TTC39B: variants seen among roughly 807,000 people sequenced by gnomAD.
TTC39B encodes the protein tetratricopeptide repeat protein 39B.
A neutral mutation model predicts 96.6 loss-of-function variants in TTC39B; 92 were observed. The observed-to-expected ratio is 0.95, with a 90% CI of 0.80 to 1.13. The LOEUF (loss-of-function observed/expected upper bound fraction) is 1.13, where lower values mean the gene tolerates loss of function less well. TTC39B is among the 50% of genes most tolerant of loss of function. The pLI is 0.00. For synonymous variants in TTC39B, 367 were observed against 299.4 expected, an observed-to-expected ratio of 1.23 and a Z score of -2.33; for missense variants, 955 against 809.3, an observed-to-expected ratio of 1.18 and a Z score of -2.18.
intron 2 of TTC39B, among the ~76,000 whole-genome samples, chr9:15,254,062 T>C (rs1271285595): frequency 6.6e-6 from 1 of 152,058 alleles, no homozygotes; most frequent in Non-Finnish European, 1.5e-5. Context: ...ACATCCCCTT[T>C]GTCAAGTCTG....
At chr9:15,265,385 G>A (rs537477442) in intron 2 of TTC39B, among the ~76,000 whole-genome samples, 1 of 152,262 alleles carries the variant, frequency 6.6e-6, no homozygotes, top group African/African-American at 2.4e-5. Context: ...CCTCTCTGTT[G>A]TGTGTGGCAT....
chr9:15,225,983 C>T (rs1821102282), exon 3 of TTC39B: 10 of 1,613,966 alleles, frequency 6.2e-6, no homozygotes, highest in Non-Finnish European at 8.5e-6. Context: ...AAAGTGAAGG[C>T]TGCTTGTTGC....
At chr9:15,207,076 C>T (rs754046135) in intron 6 of TTC39B, among the ~76,000 whole-genome samples, 34 of 152,242 alleles carry the variant, frequency 2.2e-4, no homozygotes, top group Non-Finnish European at 4.6e-4. Context: ...TACCTTGCTT[C>T]CTCTTTGCCT....
intron 1 of TTC39B, among the ~76,000 whole-genome samples, chr9:15,269,804 G>A (rs1168007193): frequency 1.4e-5 from 2 of 145,280 alleles, no homozygotes; most frequent in African/African-American, 4.9e-5. Context: ...ACAGTGAGCC[G>A]AGATCATGCC....
At chr9:15,166,295 G>A (rs2118276720) in exon 20 of TTC39B, 1 of 152,124 alleles carries the variant, frequency 6.6e-6, no homozygotes, top group East Asian at 1.9e-4. Flanking sequence ...TTTTCCATGT[G>A]ATGTCCTGTT....
chr9:15,262,384 C>T (rs1408453588), intron 2 of TTC39B, among the ~76,000 whole-genome samples: 1 of 152,212 alleles, frequency 6.6e-6, no homozygotes, highest in Non-Finnish European at 1.5e-5. Context: ...CAGGCGTGAG[C>T]CATAGCACTT....
chr9:15,195,484 G>T (rs1345768807), intron 8 of TTC39B, among the ~76,000 whole-genome samples: 1 of 151,542 alleles, frequency 6.6e-6, no homozygotes, highest in Non-Finnish European at 1.5e-5. Flanking sequence ...GCCTGGCCAA[G>T]CATGGTGAAA....
intron 10 of TTC39B, 149 bp downstream of exon 10, chr9:15,191,041 T>C (rs1342403288): frequency 6.1e-6 from 4 of 654,896 alleles, no homozygotes; most frequent in Non-Finnish European, 1.1e-5. Flanking sequence ...CTGAAAAACA[T>C]GATCAAGAAT....
At position 15,211,034 on chromosome 9, in the gene TTC39B, A is replaced by G. The variant is rs141229771; in HGVS notation, c.614+232T>C. 4.9e-3 allele frequency among the ~76,000 whole-genome samples: 744 copies of G among 151,560 alleles called. 6 individuals carry two copies. Among genetic ancestry groups the G allele is most frequent in the African/African-American group, 0.017 (707 of 41,374 alleles). On this transcript the variant is annotated intron_variant, in intron 5 of 19. Transcript: ENST00000512701. Reference sequence around the variant, plus strand: ...GATGCTTGCTGCTAATCCCACTGAAATCCCCCCGAAATCCCCCCCAGATCT... The same window carrying G: ...GATGCTTGCTGCTAATCCCACTGAAGTCCCCCCGAAATCCCCCCCAGATCT...
chr9:15,239,134 C>T (rs987513994), intron 2 of TTC39B, among the ~76,000 whole-genome samples: 3 of 151,790 alleles, frequency 2.0e-5, no homozygotes, highest in African/African-American at 7.3e-5. Flanking sequence ...TAAAATAATA[C>T]AAGAGGCCAA....
chr9:15,177,747 G>A (rs1440407338), exon 18 of TTC39B: 2 of 1,613,272 alleles, frequency 1.2e-6, no homozygotes. Flanking sequence ...GCCGCTGTAA[G>A]TTCTTGAGGC....
exon 20 of TTC39B, chr9:15,168,211 G>A (rs1238617555): frequency 6.6e-6 from 1 of 152,152 alleles, no homozygotes; most frequent in African/African-American, 2.4e-5. Flanking sequence ...GCCATGTGTG[G>A]CGAGGGGCTA....
intron 1 of TTC39B, among the ~76,000 whole-genome samples, chr9:15,284,483 T>C (rs1347723427): frequency 6.6e-6 from 1 of 152,202 alleles, no homozygotes; most frequent in African/African-American, 2.4e-5. Flanking sequence ...TGATCTTCAA[T>C]AGATAATTAA....
chr9:15,255,993 T>G (rs1236429821), intron 2 of TTC39B, among the ~76,000 whole-genome samples: 1 of 152,198 alleles, frequency 6.6e-6, no homozygotes, highest in Non-Finnish European at 1.5e-5. Context: ...TCCACCTATA[T>G]TTTCTTAATA....
At chr9:15,247,437 C>T (rs1822328339) in intron 2 of TTC39B, among the ~76,000 whole-genome samples, 1 of 152,174 alleles carries the variant, frequency 6.6e-6, no homozygotes, top group African/African-American at 2.4e-5. Context: ...TCCCTACCCT[C>T]AATTTTCAAA....
chr9:15,250,282 T>C (rs1028899668), intron 2 of TTC39B: 1 of 898,086 alleles, frequency 1.1e-6, no homozygotes, highest in Non-Finnish European at 1.3e-6. Context: ...TTCTAATCCA[T>C]CACTGTTTAA....
intron 2 of TTC39B, among the ~76,000 whole-genome samples, chr9:15,252,374 C>T (rs1296670686): frequency 6.6e-6 from 1 of 152,134 alleles, no homozygotes; most frequent in Non-Finnish European, 1.5e-5. Flanking sequence ...GTGGGCCGGG[C>T]GCAGTGGCTC....
At chr9:15,179,431 A>G (rs1184984286) in intron 17 of TTC39B, among the ~76,000 whole-genome samples, 2 of 152,174 alleles carry the variant, frequency 1.3e-5, no homozygotes, top group African/African-American at 4.8e-5. Flanking sequence ...ACCAACCAGA[A>G]AGGGGTTACT....
At chr9:15,234,163 C>T (rs1441590705) in intron 2 of TTC39B, among the ~76,000 whole-genome samples, 1 of 151,326 alleles carries the variant, frequency 6.6e-6, no homozygotes, top group Admixed American at 6.6e-5. Context: ...CCGGCAGCCG[C>T]CCCATCTGAG....
Sources: gnomAD v4.1 joint callset for allele counts (sites outside exome capture counted in the v4.1 genomes callset) on GRCh38, gnomAD v4.1.1 for gene constraint, MANE v1.5 for transcripts, NCBI Gene and HGNC (gene_info 2026-07-23, HGNC 2026-07-21) for gene names.